SLC16A12: variants seen among roughly 807,000 people sequenced by gnomAD.
The protein encoded by SLC16A12 is solute carrier family 16 member 12.
Under a neutral mutation model 42.4 loss-of-function variants are expected in SLC16A12, and 17 were observed. The ratio of observed to expected loss-of-function variants is 0.40; its 90% CI spans 0.27 to 0.60. SLC16A12 has a LOEUF of 0.60. Among genes scored for constraint, SLC16A12 ranks in the 20% least tolerant of loss-of-function variants. The probability of loss-of-function intolerance (pLI) is 0.42; values close to 1 mark genes in which losing one functional copy is unlikely to be tolerated. For synonymous variants in SLC16A12, 224 were observed against 229.4 expected (o/e 0.98, Z 0.21); for missense variants, 544 against 623.0 (o/e 0.87, Z 1.35).
chr10:89,556,674 GC>G (rs1564607712), upstream of SLC16A12: 1 of 152,296 alleles, frequency 6.6e-6, no homozygotes, highest in African/African-American at 2.4e-5. Flanking sequence ...ATGGAGGAAG[GC>G]ATGGTGCACA....
intron 2 of SLC16A12, among the ~76,000 whole-genome samples, chr10:89,489,582 T>A (rs1168125743): frequency 6.6e-6 from 1 of 152,144 alleles, no homozygotes. Flanking sequence ...ACTCAAGCAA[T>A]CCACCTACCT....
At chr10:89,477,036 T>G (rs1026489328) in intron 2 of SLC16A12, among the ~76,000 whole-genome samples, 2 of 152,232 alleles carry the variant, frequency 1.3e-5, no homozygotes, top group African/African-American at 2.4e-5. Context: ...TACTATTTTT[T>G]TGTAAGACGG....
At chr10:89,510,990 C>A (rs989808371) in intron 2 of SLC16A12, among the ~76,000 whole-genome samples, 4 of 152,208 alleles carry the variant, frequency 2.6e-5, no homozygotes, top group Admixed American at 2.0e-4. Flanking sequence ...TACTCATCAT[C>A]ACTGGTCATT....
chr10:89,474,785 AC>A (rs1842550994), intron 2 of SLC16A12, among the ~76,000 whole-genome samples: 1 of 152,208 alleles, frequency 6.6e-6, no homozygotes, highest in Non-Finnish European at 1.5e-5. Context: ...ATTCACTGCT[AC>A]ATATATGTTA....
At chr10:89,519,786 T>G (rs1431277099) in intron 2 of SLC16A12, among the ~76,000 whole-genome samples, 1 of 152,090 alleles carries the variant, frequency 6.6e-6, no homozygotes, top group Non-Finnish European at 1.5e-5. Context: ...TGACTCAGAT[T>G]TTTTGGAAAT....
chr10:89,475,775 A>T (rs550437478), intron 2 of SLC16A12, among the ~76,000 whole-genome samples: 41 of 152,340 alleles, frequency 2.7e-4, no homozygotes, highest in South Asian at 1.9e-3. Flanking sequence ...GGAACACTTT[A>T]CATAAGACTT....
Position 89,441,370 on chromosome 10 carries a change from T to C in SLC16A12, c.305-119A>G, listed in dbSNP as rs1841908592. On this transcript the variant is annotated intron_variant, in intron 4 of 7. Coordinates refer to ENST00000371790, the MANE Select transcript of SLC16A12 (RefSeq NM_213606.4). ...AGCATTGAGCCCACCCTATTAATTC[T>C]GCAGCTTTGGAAACTGAGGCCCAGA... 1.5e-5 allele frequency: 19 copies of C among 1,265,584 alleles called. No individual in the cohort carries two copies. The South Asian group carries it at 2.3e-4, about 15-fold the overall frequency. 78.4% of individuals were successfully genotyped at this position (1,265,584 alleles called of 1,614,324 possible).
intron 2 of SLC16A12, among the ~76,000 whole-genome samples, chr10:89,471,091 T>C (rs545257873): frequency 6.6e-6 from 1 of 152,314 alleles, no homozygotes; most frequent in African/African-American, 2.4e-5. Context: ...CAAAGACTGT[T>C]AAACATTTTT....
In SLC16A12 at chr10:89,438,717, C is replaced by T. The variant is rs770791449; in HGVS notation, c.915G>A (p.Val305=). The change falls in exon 6 of 8, where the codon GTG becomes GTA. Residue 305 remains valine (V), a synonymous_variant. Transcript: ENST00000371790. ...TCACTCCAACACTCAAAGCATAAGG[C>T]ACCAAGTACACAAAGAGAGGGCTGC... ...YGCSPLFVYL[V]PYALSVGVSH... is the part of the protein sequence containing the mutation. 1 of 1,614,030 alleles carries T rather than the reference C, an allele frequency of 6.2e-7. No homozygotes were observed. Among genetic ancestry groups the T allele is most frequent in the Non-Finnish European group, 8.5e-7 (1 of 1,180,036 alleles).
At chr10:89,468,636 A>G (rs1842446091) in intron 2 of SLC16A12, among the ~76,000 whole-genome samples, 1 of 152,240 alleles carries the variant, frequency 6.6e-6, no homozygotes, top group Non-Finnish European at 1.5e-5. Context: ...AAAACAACGC[A>G]TGTGAGTTTC....
At chr10:89,498,829 C>A (rs1487242634) in intron 2 of SLC16A12, among the ~76,000 whole-genome samples, 1 of 152,148 alleles carries the variant, frequency 6.6e-6, no homozygotes, top group Non-Finnish European at 1.5e-5. Context: ...ACCCCCTGTA[C>A]CAGCCCGGAG....
At chr10:89,470,144 G>A (rs992987413) in intron 2 of SLC16A12, among the ~76,000 whole-genome samples, 2 of 152,084 alleles carry the variant, frequency 1.3e-5, no homozygotes, top group African/African-American at 4.8e-5. Flanking sequence ...GCTCCATCCA[G>A]AATAAATGCA....
intron 2 of SLC16A12, among the ~76,000 whole-genome samples, chr10:89,512,579 A>G (rs1460211502): frequency 1.3e-5 from 2 of 152,202 alleles, no homozygotes; most frequent in Non-Finnish European, 2.9e-5. Flanking sequence ...ACCCAAAAGG[A>G]CAGTGTTCAG....
intron 2 of SLC16A12, among the ~76,000 whole-genome samples, chr10:89,479,328 C>A (rs1299984834): frequency 6.6e-6 from 1 of 151,546 alleles, no homozygotes; most frequent in Non-Finnish European, 1.5e-5. Flanking sequence ...CATGTGGGAT[C>A]TGCCTATTTG....
At chr10:89,514,996 G>A (rs1843223803) in intron 2 of SLC16A12, among the ~76,000 whole-genome samples, 1 of 152,114 alleles carries the variant, frequency 6.6e-6, no homozygotes, top group Admixed American at 6.5e-5. Context: ...GGAGGCTGAG[G>A]CAGGAGAATT....
chr10:89,455,459 T>G (rs1485791684), intron 3 of SLC16A12, among the ~76,000 whole-genome samples: 2 of 152,226 alleles, frequency 1.3e-5, no homozygotes, highest in African/African-American at 2.4e-5. Context: ...TCTAAACATG[T>G]AAGCAGGCTT....
chr10:89,501,070 AC>A lies in SLC16A12; in HGVS notation c.-47+33430del, dbSNP rs1454809408. On this transcript the variant is annotated intron_variant, in intron 2 of 7. Transcript: ENST00000371790. ...GCTGCAAAAACAAAAAACAAAAAAAACAAAACCTTAGGAATATACCTAACCA... is the reference window on the plus strand; with the variant it reads ...GCTGCAAAAACAAAAAACAAAAAAAAAAAACCTTAGGAATATACCTAACCA... Among the ~76,000 whole-genome samples, 13 of 152,266 alleles carry A rather than the reference AC, an allele frequency of 8.5e-5. No individual in the cohort carries two copies. The South Asian group carries it at 1.7e-3, about 19-fold the overall frequency.
At chr10:89,443,945 T>C in intron 3 of SLC16A12, 86 bp from the exon 4 acceptor site, 1 of 843,078 alleles carries the variant, frequency 1.2e-6, no homozygotes, top group Non-Finnish European at 2.0e-6. Flanking sequence ...TTCAATTAGC[T>C]GCTCCTGTTT....
chr10:89,547,000 A>T (rs1329011821), intron 2 of SLC16A12, among the ~76,000 whole-genome samples: 1 of 152,234 alleles, frequency 6.6e-6, no homozygotes, highest in Non-Finnish European at 1.5e-5. Flanking sequence ...ACATGGACAC[A>T]GGGAGGGGAA....
Sources: allele counts gnomAD v4.1 joint callset (sites outside exome capture counted in the v4.1 genomes callset), GRCh38; gene constraint gnomAD v4.1.1; transcripts MANE v1.5; gene names NCBI Gene and HGNC (gene_info 2026-07-23, HGNC 2026-07-21).